TRPV4: variants seen among roughly 807,000 people sequenced by gnomAD.
The protein encoded by TRPV4 is transient receptor potential cation channel subfamily V member 4, also known as OSM9-like transient receptor potential channel 4.
TRPV4 carries 58 observed loss-of-function variants against 84.1 expected under a neutral mutation model. The ratio of observed to expected loss-of-function variants is 0.69; its 90% CI spans 0.56 to 0.86. TRPV4 has a LOEUF of 0.86. Among genes scored for constraint, TRPV4 ranks in the 40% least tolerant of loss-of-function variants. The probability of loss-of-function intolerance (pLI) is 0.00; values close to 1 mark genes in which losing one functional copy is unlikely to be tolerated. For missense variants in TRPV4, 879 were observed against 1,181.1 expected, an observed-to-expected ratio of 0.74 and a Z score of 3.75; for synonymous variants, 489 against 500.9, an observed-to-expected ratio of 0.98 and a Z score of 0.32.
chr12:109,792,451 T>C, intron 11 of TRPV4, 22 bp from the exon 12 acceptor site: 2 of 1,613,136 alleles, frequency 1.2e-6, no homozygotes, highest in South Asian at 1.1e-5. Context: ...AGCGGGATTA[T>C]GGAGGCAAAG....
chr12:109,823,941 T>TTGTGTGTG (rs113643368), intron 1 of TRPV4, among the ~76,000 whole-genome samples: 6 of 149,524 alleles, frequency 4.0e-5, no homozygotes, highest in East Asian at 2.0e-4. Flanking sequence ...TTTTTCTTTC[T>TTGTGTGTG]TGTGTGTGTG....
Position 109,796,393 on chromosome 12 carries a change from T to C in TRPV4, c.1332+132A>G. 9.9e-7 allele frequency: 1 copy of C among 1,008,404 alleles called. No individual in the cohort carries two copies. Among genetic ancestry groups the C allele is most frequent in the Non-Finnish European group, 1.5e-6 (1 of 668,002 alleles). 62.5% of individuals were successfully genotyped at this position (1,008,404 alleles called of 1,614,324 possible). On this transcript the variant is annotated intron_variant, in intron 7 of 15. Transcript: ENST00000261740. The surrounding 1 kb of genome is among the most constrained non-coding windows in gnomAD (Gnocchi z 4.2). The stretch of plus-strand genomic sequence containing the variant: ...CACTTAGTTGGCACCTTCTCTTGCA[T>C]TCAGCCAACAGACCCACCACGTTGG...
chr12:109,798,771 G>T lies in TRPV4; in HGVS notation c.995C>A (p.Ala332Asp), dbSNP rs769726635. ...NTVLHALVAI[A>D]DNTRENTKFV... ...CTTGGTGTTCTCACGGGTGTTGTCA[G>T]CAATGGCCACCAGCGCATGCAGCAC... The change falls in exon 6 of 16, where the codon GCT (alanine) becomes GAT (aspartate). Residue 332 changes from alanine (A) to aspartate (D), a missense_variant. Around this residue, in one of 4 missense-constraint regions of TRPV4, gnomAD observed 521 missense variants for 686.6 expected, o/e 0.76. Transcript: ENST00000261740. This position sits in a 1 kb window ranked among gnomAD's most constrained non-coding sequence, Gnocchi z 5.0. 4 of 1,614,168 alleles carry T rather than the reference G, an allele frequency of 2.5e-6. No homozygotes were observed. The Admixed American group carries it at 6.7e-5, about 27-fold the overall frequency.
intron 1 of TRPV4, chr12:109,832,797 G>A (rs933204919): frequency 7.5e-5 from 2 of 26,516 alleles, no homozygotes; most frequent in African/African-American, 2.9e-4. Context: ...CCCCACCCCC[G>A]CTACCCACCC....
Position 109,792,641 on chromosome 12 carries a change from C to A in TRPV4, c.1824+11G>T, listed in dbSNP as rs965892123. 1 of 1,613,992 alleles carries A rather than the reference C, an allele frequency of 6.2e-7. No homozygotes were observed. Among genetic ancestry groups the A allele is most frequent in the Non-Finnish European group, 8.5e-7 (1 of 1,180,020 alleles). On this transcript the variant is annotated intron_variant, in intron 11 of 15. Coordinates refer to ENST00000261740, the MANE Select transcript of TRPV4 (RefSeq NM_021625.5). ...GAACACACGAGTCCAGAGGGTCCTC[C>A]CAGCCCGTACCTTCTGGATCATGAT...
At chr12:109,805,415 A>G (rs1042280946) in intron 3 of TRPV4, among the ~76,000 whole-genome samples, 7 of 152,210 alleles carry the variant, frequency 4.6e-5, no homozygotes, top group African/African-American at 1.4e-4. Context: ...CAGGAGCAGC[A>G]TCTTCCCAGA....
At position 109,814,100 on chromosome 12, in the gene TRPV4, T is replaced by C. The variant is rs1393822871; in HGVS notation, c.386+311A>G. Among the ~76,000 whole-genome samples, 1 of 151,190 alleles carries C rather than the reference T, an allele frequency of 6.6e-6. No individual in the cohort carries two copies. Among genetic ancestry groups the C allele is most frequent in the Non-Finnish European group, 1.5e-5 (1 of 67,852 alleles). ...ATGGATGGAGAGATGAATGGATCGA[T>C]GGATAGATGTATGGATGGTTGGATG... On this transcript the variant is annotated intron_variant, in intron 2 of 15. Coordinates refer to ENST00000261740, the MANE Select transcript of TRPV4 (RefSeq NM_021625.5). The surrounding 1 kb of genome is among the most constrained non-coding windows in gnomAD (Gnocchi z 5.4).
At chr12:109,824,258 C>T (rs147878885) in intron 1 of TRPV4, among the ~76,000 whole-genome samples, 171 of 152,170 alleles carry the variant, frequency 1.1e-3, no homozygotes, top group Middle Eastern at 3.4e-3. Flanking sequence ...GGCCACCGTG[C>T]CCAGCCACAT....
chr12:109,827,787 CACATAA>C (rs1892304964), intron 1 of TRPV4, among the ~76,000 whole-genome samples: 1 of 147,616 alleles, frequency 6.8e-6, no homozygotes, highest in Admixed American at 6.9e-5. Flanking sequence ...CACAAACATA[CACATAA>C]ACATATAGTC....
rs544456204 is a variant in TRPV4, at chr12:109,816,734, C to T, written c.-31-1907G>A. On this transcript the variant is annotated intron_variant, in intron 1 of 15. Coordinates refer to ENST00000261740, the MANE Select transcript of TRPV4 (RefSeq NM_021625.5). ...CAGAGGTTGCAGTGAGCCAAGATGG[C>T]GCCACTGCACTCCAGCCAGGGCAAC... is the stretch of plus-strand genomic sequence containing the variant. Among the ~76,000 whole-genome samples, 76 of 152,212 alleles carry T rather than the reference C, an allele frequency of 5.0e-4. 1 individual carries two copies. The South Asian group carries it at 7.3e-3, about 15-fold the overall frequency.
At position 109,796,761 on chromosome 12, in the gene TRPV4, G is replaced by C; in HGVS notation, c.1153-57C>G. 6.4e-7 allele frequency: 1 copy of C among 1,558,692 alleles called. No individual in the cohort carries two copies. Among genetic ancestry groups the C allele is most frequent in the Non-Finnish European group, 8.7e-7 (1 of 1,150,474 alleles). On this transcript the variant is annotated intron_variant, in intron 6 of 15. Transcript: ENST00000261740. The surrounding 1 kb of genome is among the most constrained non-coding windows in gnomAD (Gnocchi z 4.2). ...CACACTGGAAAGACCCCCAGGGCTGGGCCCAGCTCAGCACATGACGCCTCC... is the reference window on the plus strand; with the variant it reads ...CACACTGGAAAGACCCCCAGGGCTGCGCCCAGCTCAGCACATGACGCCTCC...
chr12:109,817,297 G>A (rs1025814264), intron 1 of TRPV4, among the ~76,000 whole-genome samples: 5 of 152,226 alleles, frequency 3.3e-5, no homozygotes, highest in African/African-American at 9.6e-5. Flanking sequence ...CCTGAGGTCA[G>A]GGGGAGACGA....
chr12:109,808,375 C>T lies in TRPV4; in HGVS notation c.480G>A (p.Arg160=). 6.2e-7 allele frequency: 1 copy of T among 1,614,178 alleles called. No homozygotes were observed. Among genetic ancestry groups the T allele is most frequent in the Non-Finnish European group, 8.5e-7 (1 of 1,180,020 alleles). The part of the protein sequence containing the change: ...NRPILFDIVS[R]GSTADLDGLL... ...GCCCGTCCAGGTCAGCAGTGGAGCC[C>T]CGGGACACGATGTCAAAGAGGATAG... Residue 160 remains arginine, a synonymous_variant, in exon 3 of 16, where the codon CGG becomes CGA. Transcript: ENST00000261740.
intron 2 of TRPV4, among the ~76,000 whole-genome samples, chr12:109,811,386 G>A (rs575885777): frequency 2.0e-5 from 3 of 152,346 alleles, no homozygotes; most frequent in South Asian, 4.1e-4. Context: ...GGCTGGGTGC[G>A]GTGGCTCACG....
At position 109,794,348 on chromosome 12, in the gene TRPV4, T is replaced by C. The variant is rs531738577; in HGVS notation, c.1472A>G (p.Tyr491Cys). 5 of 1,612,050 alleles carry C rather than the reference T, an allele frequency of 3.1e-6. No individual in the cohort carries two copies. Among genetic ancestry groups the C allele is most frequent in the Admixed American group, 1.7e-5 (1 of 60,010 alleles). ...ACTCACTGTGCCCTCCAGCGGCTGG[T>C]AGTAGGCGGTGAGAGTGAAGATGAC... is the stretch of plus-strand genomic sequence containing the variant. ...AMVIFTLTAY[Y>C]QPLEGTPPYP... The change falls in exon 8 of 16, where the codon TAC becomes TGC. Residue 491 changes from tyrosine (Y) to cysteine (C), a missense_variant. Transcript: ENST00000261740.
chr12:109,803,232 G>A, intron 3 of TRPV4, 89 bp from the exon 4 acceptor site: 7 of 1,489,126 alleles, frequency 4.7e-6, no homozygotes, highest in Non-Finnish European at 6.4e-6. Context: ...TGGGTAGGGG[G>A]TCAGATGTCC....
At chr12:109,785,569 C>A (rs1889635945) in intron 14 of TRPV4, among the ~76,000 whole-genome samples, 1 of 151,966 alleles carries the variant, frequency 6.6e-6, no homozygotes, top group Non-Finnish European at 1.5e-5. Flanking sequence ...CAGGTGCATG[C>A]CACCACTCCC....
rs4635144 is a variant in TRPV4, at chr12:109,833,148, A to G, written c.-32+202T>C. On this transcript the variant is annotated intron_variant, in intron 1 of 15. Coordinates refer to ENST00000261740, the MANE Select transcript of TRPV4 (RefSeq NM_021625.5). Reference sequence around the variant, plus strand: ...CCATTTCACAGGTGATAAAACCGAGACCCAAAGAGCCGGTGTCCGGCCCAA... The same window carrying G: ...CCATTTCACAGGTGATAAAACCGAGGCCCAAAGAGCCGGTGTCCGGCCCAA... 0.66 allele frequency among the ~76,000 whole-genome samples: 100,470 copies of G among 151,964 alleles called. 35,462 individuals carry two copies. The highest frequency in any genetic ancestry group is 0.9 in the African/African-American group (37,501 of 41,530).
chr12:109,792,231 A>C, intron 12 of TRPV4, 132 bp downstream of exon 12: 1 of 803,424 alleles, frequency 1.2e-6, no homozygotes. Context: ...CAACAGGAGC[A>C]AAACTCCACC....
Sources: gnomAD v4.1 joint callset for allele counts (sites outside exome capture counted in the v4.1 genomes callset) on GRCh38, gnomAD v4.1.1 for gene constraint, gnomAD v4.1.1 regional missense constraint, Gnocchi (gnomAD v3.1) non-coding constraint, MANE v1.5 for transcripts, NCBI Gene and HGNC (gene_info 2026-07-23, HGNC 2026-07-21) for gene names.